U2AF2: variants seen among roughly 807,000 people sequenced by gnomAD.
U2AF2 encodes the protein U2 small nuclear RNA auxiliary factor 2, also known as splicing factor U2AF 65 kDa subunit.
U2AF2 carries 6 observed loss-of-function variants against 52.6 expected under a neutral mutation model. The ratio of observed to expected loss-of-function variants is 0.11; its 90% CI spans 0.06 to 0.23. U2AF2 has a LOEUF of 0.23. Among genes scored for constraint, U2AF2 ranks in the 10% least tolerant of loss-of-function variants. The probability of loss-of-function intolerance (pLI) is 1.00; values close to 1 mark genes in which losing one functional copy is unlikely to be tolerated. For missense variants in U2AF2, 222 were observed against 677.1 expected (o/e 0.33, Z 7.46); for synonymous variants, 284 against 258.2 (o/e 1.10, Z -0.96).
rs1166264127 is a variant in U2AF2 at position 55,668,800 on chromosome 19, C to T, written c.945+8C>T. 1 of 1,607,830 alleles carries T rather than the reference C, an allele frequency of 6.2e-7. No individual in the cohort carries two copies. On this transcript the variant is annotated splice_region_variant and intron_variant, in intron 9 of 11. Coordinates refer to ENST00000308924, the MANE Select transcript of U2AF2 (RefSeq NM_007279.3). This position sits in a 1 kb window ranked among gnomAD's most constrained non-coding sequence, Gnocchi z 5.5. ...ATCAACGTCACGGATCAGGTGAGTC[C>T]CCGGTCGCTGGCCGCTGCCGCGTCT...
At chr19:55,661,404 C>T (rs993413751) in intron 5 of U2AF2, 13 of 512,542 alleles carry the variant, frequency 2.5e-5, no homozygotes, top group African/African-American at 5.9e-5. Flanking sequence ...TCTCCCCTCC[C>T]CCCAACCTCC....
intron 11 of U2AF2, 137 bp from the exon 12 acceptor site, chr19:55,673,797 A>G (rs969449492): frequency 5.2e-5 from 64 of 1,230,810 alleles, no homozygotes; most frequent in Non-Finnish European, 5.8e-5. Context: ...CCTGCTTACT[A>G]AGGGTCCCTT....
intron 11 of U2AF2, chr19:55,671,886 G>C (rs1231689405): frequency 6.6e-6 from 1 of 152,234 alleles, no homozygotes; most frequent in Non-Finnish European, 1.5e-5. Flanking sequence ...CAGCACTTTG[G>C]GAGGCCGAGA....
intron 11 of U2AF2, among the ~76,000 whole-genome samples, chr19:55,670,432 T>TCCGTGCACCCTGCTGTC (rs1285477685): frequency 1.7e-5 from 2 of 115,616 alleles, no homozygotes; most frequent in African/African-American, 3.6e-5. Flanking sequence ...GTCCCTGCTG[T>TCCGTGCACCCTGCTGTC]CCGTGCACCC....
intron 1 of U2AF2, 59 bp from the exon 2 acceptor site, chr19:55,659,151 G>C: frequency 2.1e-6 from 3 of 1,454,040 alleles, no homozygotes; most frequent in Non-Finnish European, 2.7e-6. Flanking sequence ...CGCGCAGGGT[G>C]GGCTGGGCCC....
At chr19:55,673,822 C>A in intron 11 of U2AF2, 112 bp from the exon 12 acceptor site, 2 of 1,451,514 alleles carry the variant, frequency 1.4e-6, no homozygotes, top group Non-Finnish European at 1.8e-6. Flanking sequence ...ACACCTGTGG[C>A]GAAGCCCCCT....
At chr19:55,669,753 C>T in intron 11 of U2AF2, 61 bp downstream of exon 11, 2 of 1,505,752 alleles carry the variant, frequency 1.3e-6, no homozygotes, top group Non-Finnish European at 8.9e-7. Context: ...TCCGCGCCCT[C>T]TTTCTTCCTC....
chr19:55,656,965 T>TA (rs1476416465), intron 1 of U2AF2, among the ~76,000 whole-genome samples: 3 of 152,240 alleles, frequency 2.0e-5, no homozygotes, highest in Admixed American at 1.3e-4. Flanking sequence ...ATGGAGTAGA[T>TA]ACGACCCTCG....
intron 7 of U2AF2, among the ~76,000 whole-genome samples, chr19:55,666,852 C>T (rs1984580024): frequency 6.6e-6 from 1 of 152,236 alleles, no homozygotes; most frequent in Non-Finnish European, 1.5e-5. Context: ...GAGCCTGCAG[C>T]CTGCCATGCT....
chr19:55,673,930 A>G lies in U2AF2; in HGVS notation c.1294-4A>G. ...TCACAAACCTGCCTCTCCTTTCCCCACAGATCTTTGTGGAGTTCACCTCTG... is the reference window on the plus strand; with the variant it reads ...TCACAAACCTGCCTCTCCTTTCCCCGCAGATCTTTGTGGAGTTCACCTCTG... On this transcript the variant is annotated splice_polypyrimidine_tract_variant and splice_region_variant and intron_variant, in intron 11 of 11. Coordinates refer to ENST00000308924, the MANE Select transcript of U2AF2 (RefSeq NM_007279.3). 1 of 1,609,920 alleles carries G rather than the reference A, an allele frequency of 6.2e-7. No homozygotes were observed. The highest frequency in any genetic ancestry group is 8.5e-7 in the Non-Finnish European group (1 of 1,177,708).
intron 7 of U2AF2, among the ~76,000 whole-genome samples, chr19:55,666,619 C>G (rs1416039032): frequency 6.6e-6 from 1 of 152,238 alleles, no homozygotes; most frequent in African/African-American, 2.4e-5. Context: ...TTCTCACACA[C>G]GTGGCTCACA....
chr19:55,668,792 G>C lies in U2AF2; in HGVS notation c.945G>C (p.Gln315His). ...CEYVDINVTDQAIAGLNGMQL... is the reference protein window; with the variant it reads ...CEYVDINVTDHAIAGLNGMQL... Reference sequence around the variant, plus strand: ...ACGTGGACATCAACGTCACGGATCAGGTGAGTCCCCGGTCGCTGGCCGCTG... The same window carrying C: ...ACGTGGACATCAACGTCACGGATCACGTGAGTCCCCGGTCGCTGGCCGCTG... Residue 315 changes from glutamine (Q) to histidine (H), a missense_variant and splice_region_variant, in exon 9 of 12, where the codon CAG (glutamine) becomes CAC (histidine). Coordinates refer to ENST00000308924, the MANE Select transcript of U2AF2 (RefSeq NM_007279.3). This position sits in a 1 kb window ranked among gnomAD's most constrained non-coding sequence, Gnocchi z 5.5. 1.2e-6 allele frequency: 2 copies of C among 1,610,776 alleles called. No homozygotes were observed. Among genetic ancestry groups the C allele is most frequent in the Non-Finnish European group, 1.7e-6 (2 of 1,177,762 alleles).
At position 55,661,156 on chromosome 19, in the gene U2AF2, C is replaced by T; in HGVS notation, c.453C>T (p.Leu151=). 1.2e-6 allele frequency: 2 copies of T among 1,611,362 alleles called. No individual in the cohort carries two copies. The highest frequency in any genetic ancestry group is 1.7e-6 in the Non-Finnish European group (2 of 1,178,584). The change falls in exon 5 of 12, where the codon CTC becomes CTT. Residue 151 remains leucine (L), a synonymous_variant. Coordinates refer to ENST00000308924, the MANE Select transcript of U2AF2 (RefSeq NM_007279.3). ...GSQMTRQARR[L]YVGNIPFGIT... Reference sequence around the variant, plus strand: ...AGATGACCAGACAAGCCCGGCGCCTCTACGTGGGCAACATCCCCTTTGGCA... The same window carrying T: ...AGATGACCAGACAAGCCCGGCGCCTTTACGTGGGCAACATCCCCTTTGGCA...
At chr19:55,669,757 C>A in intron 11 of U2AF2, 65 bp downstream of exon 11, 1 of 1,500,794 alleles carries the variant, frequency 6.7e-7, no homozygotes, top group Non-Finnish European at 8.9e-7. Flanking sequence ...CGCCCTCTTT[C>A]TTCCTCTCTT....
At position 55,669,482 on chromosome 19, in the gene U2AF2, G is replaced by C; in HGVS notation, c.1083G>C (p.Pro361=). 6.2e-7 allele frequency: 1 copy of C among 1,613,150 alleles called. No individual in the cohort carries two copies. The highest frequency in any genetic ancestry group is 1.1e-5 in the South Asian group (1 of 91,048). The part of the protein sequence containing the change: ...INQTPVTLQV[P]GLMSSQVQMG... The stretch of plus-strand genomic sequence containing the variant: ...AGACGCCTGTGACCCTGCAAGTGCC[G>C]GGCTTGATGAGCTCCCAGGTGCAGA... The change falls in exon 11 of 12, where the codon CCG becomes CCC. Residue 361 remains proline, a synonymous_variant. Coordinates refer to ENST00000308924, the MANE Select transcript of U2AF2 (RefSeq NM_007279.3).
At chr19:55,657,394 C>T (rs1427488993) in intron 1 of U2AF2, among the ~76,000 whole-genome samples, 2 of 152,220 alleles carry the variant, frequency 1.3e-5, no homozygotes, top group African/African-American at 4.8e-5. Flanking sequence ...AGCTTCTGTA[C>T]GTGTCGCCTT....
chr19:55,669,207 G>A (rs1464067063), intron 10 of U2AF2, 26 bp downstream of exon 10: 2 of 1,611,648 alleles, frequency 1.2e-6, no homozygotes, highest in Admixed American at 3.3e-5. Flanking sequence ...TTGGCTTGAG[G>A]GACCCTGGGG....
chr19:55,660,425 G>T (rs1984101647), intron 3 of U2AF2, 91 bp from the exon 4 acceptor site: 2 of 1,140,870 alleles, frequency 1.8e-6, no homozygotes, highest in Middle Eastern at 2.1e-4. Flanking sequence ...GTTGCGGGGA[G>T]GGTGAAAGGG....
At chr19:55,655,875 C>T (rs935573141) in intron 1 of U2AF2, among the ~76,000 whole-genome samples, 1 of 152,188 alleles carries the variant, frequency 6.6e-6, no homozygotes, top group African/African-American at 2.4e-5. Flanking sequence ...GGGCTTTTGG[C>T]GGTCCCGAGA....
Sources: gnomAD v4.1 joint callset for allele counts (sites outside exome capture counted in the v4.1 genomes callset) on GRCh38, gnomAD v4.1.1 for gene constraint, Gnocchi (gnomAD v3.1) non-coding constraint, MANE v1.5 for transcripts, NCBI Gene and HGNC (gene_info 2026-07-23, HGNC 2026-07-21) for gene names.